Variants in ANO10 observed in about 807,000 individuals in gnomAD.
ANO10 encodes the protein anoctamin-10.
In ANO10, 77 loss-of-function variants were observed where a neutral mutation model predicts 74.7. The observed-to-expected ratio is 1.03, with a 90% CI of 0.86 to 1.25. ANO10 has a LOEUF of 1.25. Ranked by LOEUF, ANO10 falls within the 50% of genes most tolerant of loss-of-function variation. ANO10 has a pLI of 0.00. For synonymous variants in ANO10, 279 were observed against 284.9 expected, an observed-to-expected ratio of 0.98 and a Z score of 0.21; for missense variants, 721 against 778.1, an observed-to-expected ratio of 0.93 and a Z score of 0.87.
At chr3:43,662,405 C>T (rs1366309203) in intron 1 of ANO10, among the ~76,000 whole-genome samples, 1 of 152,108 alleles carries the variant, frequency 6.6e-6, no homozygotes, top group Non-Finnish European at 1.5e-5. Context: ...ACATTTAAAG[C>T]AGCAGTGTGT....
chr3:43,637,805 G>C (rs2083630105), intron 1 of ANO10: 1 of 152,018 alleles, frequency 6.6e-6, no homozygotes, highest in East Asian at 1.9e-4. Context: ...CAAATTATGA[G>C]GCAAAAAGTA....
intron 12 of ANO10, among the ~76,000 whole-genome samples, chr3:43,393,640 C>A (rs1000253875): frequency 6.6e-6 from 1 of 152,224 alleles, no homozygotes; most frequent in African/African-American, 2.4e-5. Flanking sequence ...TCCAGCCACA[C>A]TGGTCTCCAT....
intron 1 of ANO10, among the ~76,000 whole-genome samples, chr3:43,609,613 G>C (rs7619537): frequency 6.6e-6 from 1 of 152,128 alleles, no homozygotes; most frequent in African/African-American, 2.4e-5. Flanking sequence ...AAACATCATA[G>C]AGTGTACTCA....
chr3:43,381,727 A>G (rs1349165102), intron 12 of ANO10, among the ~76,000 whole-genome samples: 3 of 152,236 alleles, frequency 2.0e-5, no homozygotes, highest in African/African-American at 7.2e-5. Flanking sequence ...GACTTAACAG[A>G]TATTTACAGA....
intron 11 of ANO10, among the ~76,000 whole-genome samples, chr3:43,480,871 C>T (rs1187412815): frequency 1.3e-5 from 2 of 152,006 alleles, no homozygotes; most frequent in Non-Finnish European, 2.9e-5. Context: ...AAAACAAGGC[C>T]GTTTTCAACT....
At chr3:43,655,508 C>T (rs935987525) in intron 1 of ANO10, among the ~76,000 whole-genome samples, 2 of 152,236 alleles carry the variant, frequency 1.3e-5, no homozygotes, top group Non-Finnish European at 2.9e-5. Context: ...GTTGCCACTG[C>T]TGGCTGGGGC....
At chr3:43,518,120 GTGT>G (rs2077789712) in intron 11 of ANO10, among the ~76,000 whole-genome samples, 1 of 152,204 alleles carries the variant, frequency 6.6e-6, no homozygotes. Flanking sequence ...ATCTGGGCAA[GTGT>G]TGTGGGAAGT....
intron 7 of ANO10, among the ~76,000 whole-genome samples, chr3:43,568,609 C>A (rs1334789432): frequency 9.4e-5 from 14 of 148,898 alleles, no homozygotes; most frequent in Non-Finnish European, 2.1e-4. Context: ...GAAATGAAGG[C>A]AGAAATAAAG....
intron 1 of ANO10, among the ~76,000 whole-genome samples, chr3:43,633,908 C>T (rs1166796912): frequency 1.3e-5 from 2 of 149,170 alleles, no homozygotes; most frequent in East Asian, 2.0e-4. Context: ...AAAAAAAAAA[C>T]TCAGACTTTT....
intron 11 of ANO10, among the ~76,000 whole-genome samples, chr3:43,503,346 G>C (rs1036947947): frequency 2.6e-5 from 4 of 152,128 alleles, no homozygotes; most frequent in African/African-American, 9.7e-5. Flanking sequence ...CTTGGTGATG[G>C]GTGGGGAGAG....
intron 12 of ANO10, among the ~76,000 whole-genome samples, chr3:43,370,197 G>C (rs755118987): frequency 6.6e-6 from 1 of 152,220 alleles, no homozygotes; most frequent in Non-Finnish European, 1.5e-5. Context: ...TGGCAGAAGT[G>C]ATGTCAGGAT....
intron 12 of ANO10, among the ~76,000 whole-genome samples, chr3:43,371,539 A>G (rs944387843): frequency 1.3e-5 from 2 of 152,204 alleles, no homozygotes; most frequent in African/African-American, 2.4e-5. Context: ...TGATTCTAAC[A>G]TGCAGCTGAG....
intron 11 of ANO10, 72 bp downstream of exon 11, chr3:43,549,648 G>C: frequency 6.4e-7 from 1 of 1,562,408 alleles, no homozygotes; most frequent in Admixed American, 1.7e-5. Context: ...TGGACAGCCC[G>C]AGACAGCACT....
chr3:43,476,675 T>A (rs1351631), intron 11 of ANO10, among the ~76,000 whole-genome samples: 1 of 151,928 alleles, frequency 6.6e-6, no homozygotes, highest in Admixed American at 6.6e-5. Context: ...GTTTTTTCCC[T>A]TACTTCACCA....
In ANO10 at chr3:43,616,360, G is replaced by A. The variant is rs1490798701; in HGVS notation, c.-12+5549C>T. Among the ~76,000 whole-genome samples the A allele has an allele frequency of 2.0e-5, 3 of 152,080 alleles. No individual in the cohort carries two copies. In the East Asian group the frequency reaches 5.8e-4, roughly 29 times the overall value. ...CCATGCCATCAGAAGACAACCTTTT[G>A]TTTTTTTCTTTTTGTGAACTTACCA... On this transcript the variant is annotated intron_variant, in intron 1 of 12. Transcript: ENST00000292246.
chr3:43,413,298 T>C (rs1001220477), intron 12 of ANO10, among the ~76,000 whole-genome samples: 5 of 152,140 alleles, frequency 3.3e-5, no homozygotes, highest in Non-Finnish European at 5.9e-5. Context: ...TGATATAGTT[T>C]GGTTATTTGT....
At chr3:43,621,450 C>G (rs2083387667) in intron 1 of ANO10, among the ~76,000 whole-genome samples, 1 of 152,056 alleles carries the variant, frequency 6.6e-6, no homozygotes, top group South Asian at 2.1e-4. Flanking sequence ...CCGGACTGCC[C>G]GGGAAGCAAG....
chr3:43,530,498 T>C (rs1463716420), intron 11 of ANO10, among the ~76,000 whole-genome samples: 2 of 150,318 alleles, frequency 1.3e-5, no homozygotes, highest in Non-Finnish European at 3.0e-5. Flanking sequence ...TACACAGATA[T>C]ATAATAGGTA....
At chr3:43,550,261 ACAC>A (rs987321892) in intron 10 of ANO10, among the ~76,000 whole-genome samples, 3 of 152,232 alleles carry the variant, frequency 2.0e-5, no homozygotes, top group South Asian at 4.1e-4. Context: ...TTGACATCAC[ACAC>A]CACATCTGAC....
Sources: gnomAD v4.1 joint callset for allele counts (sites outside exome capture counted in the v4.1 genomes callset) on GRCh38, gnomAD v4.1.1 for gene constraint, MANE v1.5 for transcripts, NCBI Gene and HGNC (gene_info 2026-07-23, HGNC 2026-07-21) for gene names.